COL4A6: variants seen among roughly 807,000 people sequenced by gnomAD.
The protein encoded by COL4A6 is collagen type IV alpha 6 chain.
COL4A6 carries 59 observed loss-of-function variants against 126.7 expected under a neutral mutation model. That is an observed-to-expected ratio of 0.47 (90% confidence interval 0.38 to 0.58). The LOEUF is 0.58. Among genes scored for constraint, COL4A6 ranks in the 20% least tolerant of loss-of-function variants. The probability of loss-of-function intolerance (pLI) is 0.00; values close to 1 mark genes in which losing one functional copy is unlikely to be tolerated. For synonymous variants in COL4A6, 547 were observed against 496.6 expected (o/e 1.10, Z -1.35); for missense variants, 1,285 against 1,337.3 (o/e 0.96, Z 0.61).
rs2033755001 is a variant in COL4A6 at position 108,156,898 on chromosome X, A to G, written c.*102T>C. 2 of 862,314 alleles carry G rather than the reference A, an allele frequency of 2.3e-6. No individual in the cohort carries two copies. Among genetic ancestry groups the G allele is most frequent in the South Asian group, 2.4e-5 (1 of 42,133 alleles). The allele number at this position is 862,314 out of a possible 1,213,427, so 71.1% of individuals were successfully genotyped here. On this transcript the variant is annotated 3_prime_UTR_variant, in exon 45 of 45. Transcript: ENST00000334504. Reference sequence around the variant, plus strand: ...ATGAGACTCCAATGTACAACTTGACAGGCAAAGGGGCTCAGGCCTTCCTTC... The same window carrying G: ...ATGAGACTCCAATGTACAACTTGACGGGCAAAGGGGCTCAGGCCTTCCTTC...
chrX:108,313,534 G>A (rs957991120), intron 2 of COL4A6, among the ~76,000 whole-genome samples: 2 of 110,383 alleles, frequency 1.8e-5, no homozygotes, highest in Non-Finnish European at 3.8e-5. Context: ...TAAGTTTTAG[G>A]GTACATGTGC....
At chrX:108,247,092 C>T in intron 3 of COL4A6, among the ~76,000 whole-genome samples, 1 of 110,674 alleles carries the variant, frequency 9.0e-6, no homozygotes. Context: ...TTCCCCTTTC[C>T]CTTGTGGACT....
At chrX:108,402,459 C>T (rs1383869044) in intron 2 of COL4A6, among the ~76,000 whole-genome samples, 1 of 110,232 alleles carries the variant, frequency 9.1e-6, no homozygotes, top group African/African-American at 3.3e-5. Context: ...TTTAATGATC[C>T]TCTCCGCTGC....
intron 2 of COL4A6, among the ~76,000 whole-genome samples, chrX:108,318,227 A>T (rs978508330): frequency 3.6e-5 from 4 of 111,532 alleles, no homozygotes; most frequent in African/African-American, 6.5e-5. Flanking sequence ...CGTATCTCAA[A>T]ATAATAAGAG....
At chrX:108,238,883 A>G (rs1356832253) in intron 3 of COL4A6, among the ~76,000 whole-genome samples, 1 of 111,782 alleles carries the variant, frequency 8.9e-6, no homozygotes, top group Non-Finnish European at 1.9e-5. Flanking sequence ...ATTTTTGTCA[A>G]TCTGATAAGT....
intron 3 of COL4A6, among the ~76,000 whole-genome samples, chrX:108,265,839 T>C (rs140275875): frequency 0.031 from 3,300 of 106,458 alleles, 117 homozygotes; most frequent in African/African-American, 0.11. Context: ...TGATGAAGAG[T>C]TTGGACTTTA....
At chrX:108,280,323 T>C (rs1270868562) in intron 3 of COL4A6, among the ~76,000 whole-genome samples, 2 of 110,743 alleles carry the variant, frequency 1.8e-5, no homozygotes, top group Non-Finnish European at 3.8e-5. Context: ...TCACCACCGA[T>C]CCCACAGAAA....
intron 2 of COL4A6, among the ~76,000 whole-genome samples, chrX:108,379,280 C>T (rs946602585): frequency 3.6e-5 from 4 of 109,870 alleles, no homozygotes; most frequent in East Asian, 2.8e-4. Context: ...GACAGGACCT[C>T]GCTCTGTTGC....
In COL4A6 at chrX:108,174,551, G is replaced by A. The variant is rs1234073336; in HGVS notation, c.3027C>T (p.Ile1009=). 1 of 1,206,856 alleles carries A rather than the reference G, an allele frequency of 8.3e-7. No individual in the cohort carries two copies. Among genetic ancestry groups the A allele is most frequent in the African/African-American group, 1.8e-5 (1 of 56,951 alleles). Reference sequence around the variant, plus strand: ...GCCCTGGCTTTCCACTAACTCCTTTGATAATGCCTGGGAGGCCAGGAGCTC... The same window carrying A: ...GCCCTGGCTTTCCACTAACTCCTTTAATAATGCCTGGGAGGCCAGGAGCTC... ...LPGAPGLPGI[I]KGVSGKPGPP... Residue 1009 remains isoleucine, a synonymous_variant, in exon 31 of 45, where the codon ATC becomes ATT. Coordinates refer to ENST00000334504, the MANE Select transcript of COL4A6 (RefSeq NM_033641.4).
chrX:108,199,925 C>G (rs1257161519), intron 13 of COL4A6, among the ~76,000 whole-genome samples: 4 of 111,966 alleles, frequency 3.6e-5, no homozygotes, highest in African/African-American at 1.3e-4. Context: ...AGCTGAATTT[C>G]AATCTCAGCT....
At chrX:108,336,101 G>A (rs923317678) in intron 2 of COL4A6, among the ~76,000 whole-genome samples, 2 of 111,556 alleles carry the variant, frequency 1.8e-5, no homozygotes, top group African/African-American at 6.5e-5. Context: ...ACATAGAATT[G>A]CCATATGACT....
intron 2 of COL4A6, among the ~76,000 whole-genome samples, chrX:108,348,177 C>G (rs2039756083): frequency 8.9e-6 from 1 of 111,865 alleles, no homozygotes; most frequent in Non-Finnish European, 1.9e-5. Flanking sequence ...CATCTGTACT[C>G]ACAGATAACA....
At chrX:108,233,633 G>A (rs1190081320) in intron 3 of COL4A6, among the ~76,000 whole-genome samples, 1 of 111,599 alleles carries the variant, frequency 9.0e-6, no homozygotes, top group African/African-American at 3.3e-5. Context: ...AGAACCAGAG[G>A]AGCATTAATA....
At chrX:108,180,663 G>T in intron 24 of COL4A6, 41 bp from the exon 25 acceptor site, 1 of 1,021,272 alleles carries the variant, frequency 9.8e-7, no homozygotes, top group Non-Finnish European at 1.3e-6. Context: ...AAGGAAAGTC[G>T]GTGTGCTAGG....
At chrX:108,188,466 C>T in intron 21 of COL4A6, 51 bp downstream of exon 21, 1 of 1,046,167 alleles carries the variant, frequency 9.6e-7, no homozygotes, top group Non-Finnish European at 1.2e-6. Context: ...GATTGAAGGG[C>T]ACTTGAAAGA....
At chrX:108,252,414 G>A (rs1163178251) in intron 3 of COL4A6, among the ~76,000 whole-genome samples, 3 of 110,938 alleles carry the variant, frequency 2.7e-5, no homozygotes, top group Non-Finnish European at 3.8e-5. Flanking sequence ...TCTATATGTC[G>A]GGTATTGTAA....
At chrX:108,239,784 A>G (rs1351368430) in intron 3 of COL4A6, among the ~76,000 whole-genome samples, 3 of 112,178 alleles carry the variant, frequency 2.7e-5, no homozygotes, top group South Asian at 3.7e-4. Context: ...CTTATTACTA[A>G]TAATAATATG....
rs1212621898 is a variant in COL4A6 at position 108,230,835 on chromosome X, T to G, written c.145-9461A>C. 3.6e-5 allele frequency among the ~76,000 whole-genome samples: 4 copies of G among 111,289 alleles called. No individual in the cohort carries two copies. The East Asian group carries it at 1.1e-3, about 31-fold the overall frequency. ...CTCTCTCTGTTGAAACAAATGGAGA[T>G]GAGTATCCATAGAGCCATACACTTC... On this transcript the variant is annotated intron_variant, in intron 3 of 44. Coordinates refer to ENST00000334504, the MANE Select transcript of COL4A6 (RefSeq NM_033641.4).
intron 3 of COL4A6, among the ~76,000 whole-genome samples, chrX:108,270,042 A>C (rs1037892065): frequency 1.8e-5 from 2 of 112,169 alleles, no homozygotes; most frequent in Non-Finnish European, 3.8e-5. Flanking sequence ...CTTGGAATTC[A>C]GTGTGGCAAA....
Sources: gnomAD v4.1 joint callset for allele counts (sites outside exome capture counted in the v4.1 genomes callset) on GRCh38, gnomAD v4.1.1 for gene constraint, MANE v1.5 for transcripts, NCBI Gene and HGNC (gene_info 2026-07-23, HGNC 2026-07-21) for gene names.